BBS4: variants seen among roughly 807,000 people sequenced by gnomAD.
The protein encoded by BBS4 is BBSome complex member BBS4.
BBS4 carries 58 observed loss-of-function variants against 71.4 expected under a neutral mutation model. The ratio of observed to expected loss-of-function variants is 0.81; its 90% CI spans 0.66 to 1.01. The LOEUF (loss-of-function observed/expected upper bound fraction) is 1.01, where lower values mean the gene tolerates loss of function less well. Among genes scored for constraint, BBS4 ranks in the 50% least tolerant of loss-of-function variants. The pLI, the probability that BBS4 is intolerant of heterozygous loss-of-function variation, is 0.00. For missense variants in BBS4, 660 were observed against 607.9 expected (o/e 1.09, Z -0.90); for synonymous variants, 228 against 216.8 (o/e 1.05, Z -0.46).
At chr15:72,716,643 A>G in intron 5 of BBS4, 135 bp from the exon 6 acceptor site, 1 of 714,936 alleles carries the variant, frequency 1.4e-6, no homozygotes, top group Non-Finnish European at 2.4e-6. Flanking sequence ...CACTGACCAA[A>G]CCAGCACAAC....
chr15:72,711,037 G>A (rs752411772), intron 3 of BBS4, among the ~76,000 whole-genome samples: 2 of 149,466 alleles, frequency 1.3e-5, no homozygotes, highest in Non-Finnish European at 3.0e-5. Context: ...TGCTGACCTC[G>A]TAATCCACCT....
Position 72,690,185 on chromosome 15 carries a change from A to G in BBS4, c.24+3934A>G, listed in dbSNP as rs182331182. Among the ~76,000 whole-genome samples, 384 of 152,304 alleles carry G rather than the reference A, an allele frequency of 2.5e-3. 3 individuals are homozygous for G. Among genetic ancestry groups the G allele is most frequent in the Non-Finnish European group, 4.6e-3 (311 of 68,030 alleles). On this transcript the variant is annotated intron_variant, in intron 1 of 15. Transcript: ENST00000268057. Reference sequence around the variant, plus strand: ...AATATGTCATCCTGTAAATTGAAGGATTAAACTGATAAGAGCAGAAAACAG... The same window carrying G: ...AATATGTCATCCTGTAAATTGAAGGGTTAAACTGATAAGAGCAGAAAACAG...
chr15:72,696,369 G>A (rs547172544), intron 2 of BBS4, among the ~76,000 whole-genome samples: 3 of 152,024 alleles, frequency 2.0e-5, no homozygotes, highest in Non-Finnish European at 2.9e-5. Flanking sequence ...TATAATTTTC[G>A]TAGAGTAAAA....
chr15:72,726,773 G>A (rs1326068810), intron 8 of BBS4, among the ~76,000 whole-genome samples: 1 of 152,198 alleles, frequency 6.6e-6, no homozygotes, highest in Non-Finnish European at 1.5e-5. Context: ...GTGGTGCTAG[G>A]TAGTAGCCCT....
At position 72,726,398 on chromosome 15, in the gene BBS4, C is replaced by T. The variant is rs182268180; in HGVS notation, c.588-1542C>T. Among the ~76,000 whole-genome samples, 16 of 145,156 alleles carry T rather than the reference C, an allele frequency of 1.1e-4. No homozygotes were observed. In the East Asian group the frequency reaches 3.3e-3, roughly 29 times the overall value. On this transcript the variant is annotated intron_variant, in intron 8 of 15. Coordinates refer to ENST00000268057, the MANE Select transcript of BBS4 (RefSeq NM_033028.5). Reference sequence around the variant, plus strand: ...TAGTGCTGGGATTGCAGGCGTGAACCACTGCGCCCAGCCTTGTGTTGTTAC... The same window carrying T: ...TAGTGCTGGGATTGCAGGCGTGAACTACTGCGCCCAGCCTTGTGTTGTTAC...
chr15:72,686,361 C>A, intron 1 of BBS4, 110 bp downstream of exon 1: 2 of 1,541,028 alleles, frequency 1.3e-6, no homozygotes, highest in African/African-American at 1.4e-5. Flanking sequence ...GGGTGCCGAG[C>A]GTCTCAGGGT....
At chr15:72,707,885 A>C (rs1173292761) in intron 2 of BBS4, among the ~76,000 whole-genome samples, 3 of 152,184 alleles carry the variant, frequency 2.0e-5, no homozygotes, top group Admixed American at 1.3e-4. Flanking sequence ...TTTCTGGGCA[A>C]CAGCATAATG....
At chr15:72,707,194 T>C (rs1468641367) in intron 2 of BBS4, among the ~76,000 whole-genome samples, 4 of 150,790 alleles carry the variant, frequency 2.7e-5, no homozygotes, top group Admixed American at 2.0e-4. Flanking sequence ...TTTTTTTTTT[T>C]TGGAGACAGA....
At chr15:72,721,764 CACT>C (rs1482007973) in intron 6 of BBS4, among the ~76,000 whole-genome samples, 3 of 152,196 alleles carry the variant, frequency 2.0e-5, no homozygotes, top group Non-Finnish European at 2.9e-5. Flanking sequence ...GACACATCTC[CACT>C]ACTAATAGGG....
At chr15:72,692,539 C>CTGAA (rs1240370020) in intron 1 of BBS4, among the ~76,000 whole-genome samples, 1 of 151,792 alleles carries the variant, frequency 6.6e-6, no homozygotes, top group African/African-American at 2.4e-5. Flanking sequence ...TCTTAAACTC[C>CTGAA]TGAACTCAAG....
intron 2 of BBS4, among the ~76,000 whole-genome samples, chr15:72,699,085 T>G (rs949662230): frequency 6.6e-6 from 1 of 152,168 alleles, no homozygotes; most frequent in Admixed American, 6.5e-5. Context: ...CTGAGTCTAT[T>G]TGTCTATTGT....
intron 1 of BBS4, among the ~76,000 whole-genome samples, chr15:72,688,062 A>G (rs953195896): frequency 8.5e-4 from 128 of 151,198 alleles, no homozygotes; most frequent in African/African-American, 2.8e-3. Context: ...AAAAAAAAAA[A>G]AAAAAAAGAA....
intron 6 of BBS4, among the ~76,000 whole-genome samples, chr15:72,721,815 C>T (rs892961543): frequency 4.6e-5 from 7 of 152,064 alleles, no homozygotes; most frequent in African/African-American, 1.7e-4. Flanking sequence ...TTTTCCTTAC[C>T]CTTGCTTTCT....
At chr15:72,705,598 T>C (rs1370226099) in intron 2 of BBS4, among the ~76,000 whole-genome samples, 1 of 141,390 alleles carries the variant, frequency 7.1e-6, no homozygotes, top group African/African-American at 2.6e-5. Flanking sequence ...TTTTTTTTTT[T>C]TTTTTTTTTT....
At chr15:72,712,969 C>T (rs1272729206) in intron 4 of BBS4, among the ~76,000 whole-genome samples, 1 of 151,296 alleles carries the variant, frequency 6.6e-6, no homozygotes, top group Non-Finnish European at 1.5e-5. Context: ...TACATTTGTA[C>T]AAAAATAGTT....
In BBS4 at chr15:72,715,737, A is replaced by G. The variant is rs79426620; in HGVS notation, c.332+335A>G. On this transcript the variant is annotated intron_variant, in intron 5 of 15. Transcript: ENST00000268057. ...TGGAATTTTTCTCATCTACTCTTCT[A>G]ACACTTAGTATTTGTCACACAGTAA... is the stretch of plus-strand genomic sequence containing the variant. Among the ~76,000 whole-genome samples the G allele has an allele frequency of 1.1e-4, 16 of 152,332 alleles. No homozygotes were observed. The East Asian group carries it at 3.1e-3, about 29-fold the overall frequency.
intron 4 of BBS4, among the ~76,000 whole-genome samples, chr15:72,714,350 C>T (rs929344673): frequency 1.3e-5 from 2 of 151,896 alleles, no homozygotes; most frequent in East Asian, 3.9e-4. Context: ...CTCAGCCCCC[C>T]TATTAGCTGG....
At chr15:72,693,669 T>C (rs2065025475) in intron 1 of BBS4, among the ~76,000 whole-genome samples, 1 of 152,218 alleles carries the variant, frequency 6.6e-6, no homozygotes, top group Non-Finnish European at 1.5e-5. Flanking sequence ...TTTTTAACCA[T>C]ATAAAAATGT....
At chr15:72,720,688 A>G (rs777078708) in intron 6 of BBS4, among the ~76,000 whole-genome samples, 3 of 152,122 alleles carry the variant, frequency 2.0e-5, no homozygotes, top group Non-Finnish European at 4.4e-5. Context: ...GGAAGTTGCT[A>G]CAGTGAGGTA....
Sources: gnomAD v4.1 joint callset for allele counts (sites outside exome capture counted in the v4.1 genomes callset) on GRCh38, gnomAD v4.1.1 for gene constraint, MANE v1.5 for transcripts, NCBI Gene and HGNC (gene_info 2026-07-23, HGNC 2026-07-21) for gene names.